Variants in GMPS observed in about 807,000 individuals in gnomAD.
GMPS encodes the protein guanosine monophosphate synthase, also known as GMP synthase [glutamine-hydrolyzing].
Under a neutral mutation model 77.9 loss-of-function variants are expected in GMPS, and 15 were observed. The ratio of observed to expected loss-of-function variants is 0.19; its 90% CI spans 0.13 to 0.30. The LOEUF (loss-of-function observed/expected upper bound fraction) is 0.30. Among genes scored for constraint, GMPS ranks in the 10% least tolerant of loss-of-function variants. GMPS has a pLI of 1.00. For synonymous variants in GMPS, 224 were observed against 275.9 expected (o/e 0.81, Z 1.86); for missense variants, 590 against 838.8 (o/e 0.70, Z 3.66).
chr3:155,912,955 T>A (rs1443410101), intron 7 of GMPS, among the ~76,000 whole-genome samples: 1 of 152,236 alleles, frequency 6.6e-6, no homozygotes, highest in Non-Finnish European at 1.5e-5. Context: ...AACTGTGCTC[T>A]CCTTCCCCAT....
At chr3:155,885,128 T>G (rs1403343038) in intron 1 of GMPS, among the ~76,000 whole-genome samples, 1 of 152,258 alleles carries the variant, frequency 6.6e-6, no homozygotes, top group Non-Finnish European at 1.5e-5. Context: ...ACCTACTAGC[T>G]TGAAATCTCA....
chr3:155,932,557 C>T (rs2108146227), intron 13 of GMPS, among the ~76,000 whole-genome samples: 1 of 152,218 alleles, frequency 6.6e-6, no homozygotes, highest in Non-Finnish European at 1.5e-5. Context: ...TTTCATCGTA[C>T]CATATATAGT....
At chr3:155,869,447 G>C (rs1239153309), upstream of GMPS, among the ~76,000 whole-genome samples, 3 of 152,144 alleles carry the variant, frequency 2.0e-5, no homozygotes, top group East Asian at 5.8e-4. Flanking sequence ...CAGTATCCAT[G>C]GCTTTGGAGA....
intron 7 of GMPS, among the ~76,000 whole-genome samples, chr3:155,913,465 G>A (rs1454191469): frequency 6.6e-6 from 1 of 151,832 alleles, no homozygotes; most frequent in Non-Finnish European, 1.5e-5. Flanking sequence ...GCTTCTTGCT[G>A]TGGCTTCTGC....
intron 12 of GMPS, among the ~76,000 whole-genome samples, chr3:155,926,892 TA>T (rs1292365695): frequency 6.6e-6 from 1 of 152,052 alleles, no homozygotes; most frequent in Non-Finnish European, 1.5e-5. Context: ...TGCATGCCTG[TA>T]ATCCCAGCTA....
intron 1 of GMPS, among the ~76,000 whole-genome samples, chr3:155,872,587 A>G (rs948301753): frequency 1.3e-5 from 2 of 152,252 alleles, no homozygotes; most frequent in Non-Finnish European, 2.9e-5. Context: ...ACAGAAAAGT[A>G]TAAGATTTGT....
chr3:155,897,715 G>T (rs1754635961), intron 2 of GMPS, among the ~76,000 whole-genome samples: 1 of 152,200 alleles, frequency 6.6e-6, no homozygotes, highest in African/African-American at 2.4e-5. Flanking sequence ...TGAATTGATA[G>T]ACTTCTAAAC....
rs375590344 is a variant in GMPS at position 155,899,228 on chromosome 3, C to T, written c.324+1187C>T. The stretch of plus-strand genomic sequence containing the variant: ...TACTAAAAATACAAAATTAGCTGGG[C>T]GTGGTGGCGCATGACTGTAATCCCA... On this transcript the variant is annotated intron_variant, in intron 3 of 15. Transcript: ENST00000496455. Among the ~76,000 whole-genome samples the T allele has an allele frequency of 5.5e-3, 843 of 152,144 alleles. 2 individuals are homozygous for T. The highest frequency in any genetic ancestry group is 0.015 in the South Asian group (71 of 4,818).
chr3:155,942,450 G>C lies in GMPS; in HGVS notation c.*4758G>C, dbSNP rs1204290575. ...TCTTATTGAGGGCCATACCTAGCCT[G>C]TCTTCATCAAACTCATAGGTGAATC... On this transcript the variant is annotated 3_prime_UTR_variant, in exon 16 of 16. Transcript: ENST00000496455. 4.5e-6 allele frequency: 1 copy of C among 222,446 alleles called. No individual in the cohort carries two copies. The highest frequency in any genetic ancestry group is 2.2e-5 in the African/African-American group (1 of 44,716). 13.8% of individuals were successfully genotyped at this position (222,446 alleles called of 1,614,324 possible).
intron 10 of GMPS, among the ~76,000 whole-genome samples, chr3:155,921,510 G>A (rs1305819311): frequency 6.6e-6 from 1 of 152,116 alleles, no homozygotes; most frequent in East Asian, 1.9e-4. Flanking sequence ...TTAATACATG[G>A]ACTGTAAAAA....
At chr3:155,933,901 A>G (rs1448816782) in intron 13 of GMPS, among the ~76,000 whole-genome samples, 1 of 152,206 alleles carries the variant, frequency 6.6e-6, no homozygotes, top group Non-Finnish European at 1.5e-5. Context: ...GTTATGTTCC[A>G]AACTGTACTC....
At chr3:155,910,628 T>C in intron 5 of GMPS, 64 bp from the exon 6 acceptor site, 1 of 699,454 alleles carries the variant, frequency 1.4e-6, no homozygotes, top group South Asian at 2.5e-5. Context: ...AAATTAATTG[T>C]GGTTATTGCT....
chr3:155,873,543 T>C (rs1753951721), intron 1 of GMPS, among the ~76,000 whole-genome samples: 1 of 151,998 alleles, frequency 6.6e-6, no homozygotes, highest in African/African-American at 2.4e-5. Flanking sequence ...ATTACAGTAG[T>C]GAGCCACTGT....
Position 155,937,850 on chromosome 3 carries a change from G to A in GMPS, c.*158G>A, listed in dbSNP as rs983242621. 2.1e-4 allele frequency: 122 copies of A among 577,428 alleles called. No individual in the cohort carries two copies. The highest frequency in any genetic ancestry group is 3.2e-4 in the Non-Finnish European group (105 of 326,256). 35.8% of individuals were successfully genotyped at this position (577,428 alleles called of 1,614,324 possible). ...TCTACGGCTTAAGAGCTGAGTTGGG[G>A]ATAACCAAAAGGGACTGAAGAGTTT... On this transcript the variant is annotated 3_prime_UTR_variant, in exon 16 of 16. Coordinates refer to ENST00000496455, the MANE Select transcript of GMPS (RefSeq NM_003875.3).
intron 4 of GMPS, among the ~76,000 whole-genome samples, chr3:155,904,875 A>G (rs1410968910): frequency 6.6e-6 from 1 of 152,232 alleles, no homozygotes; most frequent in Admixed American, 6.5e-5. Context: ...CTGGGACTCT[A>G]TCACAACCTA....
chr3:155,904,452 G>T (rs1004262547), intron 4 of GMPS, among the ~76,000 whole-genome samples: 1 of 151,848 alleles, frequency 6.6e-6, no homozygotes, highest in Non-Finnish European at 1.5e-5. Context: ...ACCACGCCCG[G>T]CTAATTTTTG....
chr3:155,918,525 C>T (rs1755240974), intron 9 of GMPS, among the ~76,000 whole-genome samples: 1 of 152,152 alleles, frequency 6.6e-6, no homozygotes, highest in Non-Finnish European at 1.5e-5. Context: ...TTTGCATTTC[C>T]CTAATAGCTA....
chr3:155,931,767 T>C lies in GMPS; in HGVS notation c.1563T>C (p.Gly521=), dbSNP rs1458047336. Residue 521 remains glycine (G), a splice_region_variant and synonymous_variant, in exon 13 of 16, where the codon GGT becomes GGC. Transcript: ENST00000496455. ...LLPIKTVGVQ[G]DCRSYSYVCG... ...ATTGATTATCTTTTTATTTTCAGGGTGACTGTCGTTCCTACAGTTACGTGT... is the reference window on the plus strand; with the variant it reads ...ATTGATTATCTTTTTATTTTCAGGGCGACTGTCGTTCCTACAGTTACGTGT... The C allele has an allele frequency of 3.0e-6, 4 of 1,329,476 alleles. No individual in the cohort carries two copies. In the East Asian group the frequency reaches 7.0e-5, roughly 23 times the overall value. The allele number at this position is 1,329,476 out of a possible 1,614,324, so 82.4% of individuals were successfully genotyped here. A position where few individuals can be genotyped will look rare whatever the true frequency, so the allele number is the denominator to read the frequency against.
chr3:155,903,976 A>G lies in GMPS; in HGVS notation c.422+16A>G. 1.1e-6 allele frequency: 1 copy of G among 947,808 alleles called. No individual in the cohort carries two copies. Among genetic ancestry groups the G allele is most frequent in the Non-Finnish European group, 1.6e-6 (1 of 619,530 alleles). 58.7% of individuals were successfully genotyped at this position (947,808 alleles called of 1,614,324 possible). A position where few individuals can be genotyped will look rare whatever the true frequency, so the allele number is the denominator to read the frequency against. ...CATTATTCAGGTATTACATTTTTAGATGAATAAGAACAATAGTAATTAACT... is the reference window on the plus strand; with the variant it reads ...CATTATTCAGGTATTACATTTTTAGGTGAATAAGAACAATAGTAATTAACT... On this transcript the variant is annotated intron_variant, in intron 4 of 15. Coordinates refer to ENST00000496455, the MANE Select transcript of GMPS (RefSeq NM_003875.3).
Sources: gnomAD v4.1 joint callset for allele counts (sites outside exome capture counted in the v4.1 genomes callset) on GRCh38, gnomAD v4.1.1 for gene constraint, MANE v1.5 for transcripts, NCBI Gene and HGNC (gene_info 2026-07-23, HGNC 2026-07-21) for gene names.